Variants in ZNF101 observed in about 807,000 individuals in gnomAD.
ZNF101 encodes zinc finger protein 101 (Y2).
Under a neutral mutation model 42.6 loss-of-function variants are expected in ZNF101, and 34 were observed. The ratio of observed to expected loss-of-function variants is 0.80; its 90% CI spans 0.61 to 1.06. ZNF101 has a LOEUF of 1.06. Ranked by LOEUF, ZNF101 falls within the 50% of genes least tolerant of loss-of-function variation. The probability of loss-of-function intolerance (pLI) is 0.00; values close to 1 mark genes in which losing one functional copy is unlikely to be tolerated. For synonymous variants in ZNF101, 158 were observed against 183.9 expected (o/e 0.86, Z 1.14); for missense variants, 466 against 530.9 (o/e 0.88, Z 1.20).
chr19:19,677,840 C>T (rs1370089012), intron 1 of ZNF101, 24 bp from the exon 2 acceptor site: 1 of 1,607,202 alleles, frequency 6.2e-7, no homozygotes, highest in Non-Finnish European at 8.5e-7. Flanking sequence ...ACCCCTCCTC[C>T]TCCACACCTG....
Position 19,681,441 on chromosome 19 carries a change from C to A in ZNF101, c.*1141C>A, listed in dbSNP as rs11670710. On this transcript the variant is annotated 3_prime_UTR_variant, in exon 4 of 4. Coordinates refer to ENST00000592502, the MANE Select transcript of ZNF101 (RefSeq NM_033204.4). ...TAGTTTGGAAAATACAGGAAACTTC[C>A]ATTTTAACAATAATTAAAATTCACA... 0.29 allele frequency: 43,775 copies of A among 152,146 alleles called. 6,753 individuals are homozygous for A. Among genetic ancestry groups the A allele is most frequent in the Middle Eastern group, 0.38 (112 of 294 alleles). 9.4% of individuals were successfully genotyped at this position (152,146 alleles called of 1,614,324 possible).
chr19:19,675,985 G>A (rs1337876014), intron 1 of ZNF101, among the ~76,000 whole-genome samples: 1 of 152,064 alleles, frequency 6.6e-6, no homozygotes. Context: ...AACAGAGTGA[G>A]ATCCTATCTC....
In ZNF101 at chr19:19,680,957, A is replaced by G. The variant is rs1386332459; in HGVS notation, c.*657A>G. 1 of 150,378 alleles carries G rather than the reference A, an allele frequency of 6.6e-6. No homozygotes were observed. The highest frequency in any genetic ancestry group is 1.5e-5 in the Non-Finnish European group (1 of 67,500). The allele number at this position is 150,378 out of a possible 1,614,324, so 9.3% of individuals were successfully genotyped here. A position where few individuals can be genotyped will look rare whatever the true frequency, so the allele number is the denominator to read the frequency against. ...AAAAGAAGGCCCCATATCTCCAAAG[A>G]AAAAAAAAATTAACTGGGTGAGGTG... On this transcript the variant is annotated 3_prime_UTR_variant, in exon 4 of 4. Transcript: ENST00000592502.
rs376152068 is a variant in ZNF101 at position 19,680,334 on chromosome 19, C to T, written c.*34C>T. The T allele has an allele frequency of 1.1e-4, 141 of 1,237,166 alleles. No homozygotes were observed. The highest frequency in any genetic ancestry group is 1.4e-4 in the Non-Finnish European group (126 of 917,272). The allele number at this position is 1,237,166 out of a possible 1,614,324, so 76.6% of individuals were successfully genotyped here. On this transcript the variant is annotated 3_prime_UTR_variant, in exon 4 of 4. Coordinates refer to ENST00000592502, the MANE Select transcript of ZNF101 (RefSeq NM_033204.4). ...TGGGCAACATAAGAAGGCCCCATAT[C>T]GGCTGGGTACGGTGGCTCACGCTTG...
At chr19:19,669,072 G>A in intron 1 of ZNF101, 106 bp downstream of exon 1, 2 of 1,436,732 alleles carry the variant, frequency 1.4e-6, no homozygotes, top group Admixed American at 2.1e-5. Context: ...TCTGGGACCC[G>A]AGTCCCCCAG....
Position 19,679,900 on chromosome 19 carries a change from A to G in ZNF101, c.911A>G (p.His304Arg), listed in dbSNP as rs551359975. ...TCCCTTCACAGACATGAAAGAACTC[A>G]TAGTGGAGGAAAACTCTACGAATGT... ...SSSLHRHERT[H>R]SGGKLYECQK... The change falls in exon 4 of 4, where the codon CAT becomes CGT. Residue 304 changes from histidine to arginine, a missense_variant. By Grantham distance (29) the His-to-Arg change is conservative. Coordinates refer to ENST00000592502, the MANE Select transcript of ZNF101 (RefSeq NM_033204.4). 6.2e-6 allele frequency: 10 copies of G among 1,614,206 alleles called. No individual in the cohort carries two copies. The highest frequency in any genetic ancestry group is 2.2e-5 in the East Asian group (1 of 44,890).
At chr19:19,677,696 C>G in intron 1 of ZNF101, 168 bp from the exon 2 acceptor site, 1 of 1,087,570 alleles carries the variant, frequency 9.2e-7, no homozygotes, top group Non-Finnish European at 1.2e-6. Flanking sequence ...AGTTCTCACA[C>G]TGGAACTGCT....
chr19:19,675,282 C>T (rs1188886251), intron 1 of ZNF101, among the ~76,000 whole-genome samples: 1 of 151,994 alleles, frequency 6.6e-6, no homozygotes, highest in Admixed American at 6.6e-5. Context: ...GGATTACCGG[C>T]GTCCACCACC....
At position 19,680,954 on chromosome 19, in the gene ZNF101, AAG is replaced by A. The variant is rs2062237170; in HGVS notation, c.*656_*657del. On this transcript the variant is annotated 3_prime_UTR_variant, in exon 4 of 4. Coordinates refer to ENST00000592502, the MANE Select transcript of ZNF101 (RefSeq NM_033204.4). ...AAAAAAAGAAGGCCCCATATCTCCA[AAG>A]AAAAAAAAAATTAACTGGGTGAGGT... 6 of 152,062 alleles carry A rather than the reference AAG, an allele frequency of 3.9e-5. No individual in the cohort carries two copies. The highest frequency in any genetic ancestry group is 3.9e-4 in the Admixed American group (6 of 15,236). 9.4% of individuals were successfully genotyped at this position (152,062 alleles called of 1,614,324 possible). A position where few individuals can be genotyped will look rare whatever the true frequency, so the allele number is the denominator to read the frequency against.
intron 1 of ZNF101, 172 bp from the exon 2 acceptor site, chr19:19,677,692 C>A: frequency 9.4e-7 from 1 of 1,062,254 alleles, no homozygotes; most frequent in South Asian, 1.7e-5. Context: ...GGTCAGTTCT[C>A]ACACTGGAAC....
intron 1 of ZNF101, among the ~76,000 whole-genome samples, chr19:19,673,723 C>T (rs1483258464): frequency 2.4e-5 from 3 of 124,836 alleles, no homozygotes; most frequent in Non-Finnish European, 3.2e-5. Flanking sequence ...GACAGAGTCT[C>T]ACTCTGTCGC....
At chr19:19,678,228 T>TAA (rs375473498) in intron 2 of ZNF101, among the ~76,000 whole-genome samples, 18 of 130,928 alleles carry the variant, frequency 1.4e-4, no homozygotes, top group African/African-American at 1.1e-4. Context: ...CCTGTCTCTT[T>TAA]AAAAAAAAAA....
rs1184291878 is a variant in ZNF101 at position 19,681,761 on chromosome 19, T to C, written c.*1461T>C. ...AGACCCTGTCTAAAAAAATTAATCA[T>C]GTGAGAACATCCACTCGAAAGAAAT... On this transcript the variant is annotated 3_prime_UTR_variant, in exon 4 of 4. Transcript: ENST00000592502. 2 of 151,638 alleles carry C rather than the reference T, an allele frequency of 1.3e-5. No homozygotes were observed. Among genetic ancestry groups the C allele is most frequent in the Non-Finnish European group, 1.5e-5 (1 of 67,902 alleles). The allele number at this position is 151,638 out of a possible 1,614,324, so 9.4% of individuals were successfully genotyped here. A position where few individuals can be genotyped will look rare whatever the true frequency, so the allele number is the denominator to read the frequency against.
rs1384977181 is a variant in ZNF101 at position 19,679,711 on chromosome 19, A to C, written c.722A>C (p.Gln241Pro). Reference protein sequence around the residue: ...GKPIDYPSLFQIHVRTHTGEK... With the variant: ...GKPIDYPSLFPIHVRTHTGEK... ...CCTATCGATTATCCCAGTTTATTTC[A>C]AATTCATGTTAGAACTCACACTGGA... is the stretch of plus-strand genomic sequence containing the variant. The change falls in exon 4 of 4, where the codon CAA (glutamine) becomes CCA (proline). Residue 241 changes from glutamine (Q) to proline (P), a missense_variant. Gln to Pro is a moderately conservative substitution (Grantham distance 76). Transcript: ENST00000592502. The C allele has an allele frequency of 6.2e-7, 1 of 1,614,024 alleles. No individual in the cohort carries two copies. Among genetic ancestry groups the C allele is most frequent in the African/African-American group, 1.3e-5 (1 of 74,944 alleles).
At chr19:19,670,471 G>T (rs949114385) in intron 1 of ZNF101, among the ~76,000 whole-genome samples, 8 of 152,332 alleles carry the variant, frequency 5.3e-5, no homozygotes, top group African/African-American at 1.9e-4. Flanking sequence ...AGTCAAAAGC[G>T]ATTCTCCTGC....
At chr19:19,674,345 T>C (rs1418437736) in intron 1 of ZNF101, among the ~76,000 whole-genome samples, 1 of 152,016 alleles carries the variant, frequency 6.6e-6, no homozygotes, top group Non-Finnish European at 1.5e-5. Flanking sequence ...CCTGGCTGAT[T>C]GTGTATTTTT....
At chr19:19,672,790 G>A (rs2062178976) in intron 1 of ZNF101, among the ~76,000 whole-genome samples, 1 of 152,044 alleles carries the variant, frequency 6.6e-6, no homozygotes, top group South Asian at 2.1e-4. Flanking sequence ...ACCTCCCAAA[G>A]TGTTGGGATT....
At chr19:19,675,247 C>T (rs1444258551) in intron 1 of ZNF101, among the ~76,000 whole-genome samples, 1 of 152,128 alleles carries the variant, frequency 6.6e-6, no homozygotes, top group Non-Finnish European at 1.5e-5. Context: ...ATGGGATTCT[C>T]CTGCCTCTGC....
rs144162757 is a variant in ZNF101, at chr19:19,679,794, C to G, written c.805C>G (p.Arg269Gly). 6.2e-6 allele frequency: 10 copies of G among 1,613,390 alleles called. No individual in the cohort carries two copies. The highest frequency in any genetic ancestry group is 7.6e-6 in the Non-Finnish European group (9 of 1,179,662). ...GKAFISAGYL[R>G]THEIRSHALE... Reference sequence around the variant, plus strand: ...AGCCTTCATTTCCGCAGGTTACCTTCGGACACATGAAATCAGATCTCACGC... The same window carrying G: ...AGCCTTCATTTCCGCAGGTTACCTTGGGACACATGAAATCAGATCTCACGC... The change falls in exon 4 of 4, where the codon CGG becomes GGG. Residue 269 changes from arginine (R) to glycine (G), a missense_variant. Coordinates refer to ENST00000592502, the MANE Select transcript of ZNF101 (RefSeq NM_033204.4).
Sources: allele counts gnomAD v4.1 joint callset (sites outside exome capture counted in the v4.1 genomes callset), GRCh38; gene constraint gnomAD v4.1.1; transcripts MANE v1.5; gene names NCBI Gene and HGNC (gene_info 2026-07-23, HGNC 2026-07-21).